The following ZNF469 variants were observed in gnomAD, a reference collection of about 807,000 sequenced individuals.
ZNF469 encodes the protein zinc finger protein 469.
In ZNF469, 1 loss-of-function variant was observed where a neutral mutation model predicts 1.0. The ratio of observed to expected loss-of-function variants is 1.00; its 90% CI spans 0.35 to 4.73. ZNF469 has a LOEUF of 4.73. Ranked by LOEUF, ZNF469 falls within the 30% of genes most tolerant of loss-of-function variation. The pLI, the probability that ZNF469 is intolerant of heterozygous loss-of-function variation, is 0.16. For synonymous variants in ZNF469, 2,703 were observed against 2,363.4 expected (o/e 1.14, Z -4.17); for missense variants, 6,100 against 5,356.3 (o/e 1.14, Z -4.33).
At chr16:88,248,321 C>A in the ZNF469 span, among the ~76,000 whole-genome samples, 1 of 152,194 alleles carries the variant, frequency 6.6e-6, no homozygotes, top group Non-Finnish European at 1.5e-5. Context: ...AAAAGGCGGT[C>A]AAATGGATCC....
chr16:88,341,842 G>A, the ZNF469 span, among the ~76,000 whole-genome samples: 1 of 152,158 alleles, frequency 6.6e-6, no homozygotes, highest in East Asian at 1.9e-4. Flanking sequence ...TGAAGGACTT[G>A]GGGACCAAGG....
the ZNF469 span, chr16:88,276,396 C>G: frequency 1.3e-5 from 2 of 152,328 alleles, no homozygotes; most frequent in East Asian, 1.9e-4. Flanking sequence ...ACTGCCCACC[C>G]TGGGGGGCTG....
At chr16:88,366,352 AT>A in the ZNF469 span, among the ~76,000 whole-genome samples, 57 of 151,776 alleles carry the variant, frequency 3.8e-4, no homozygotes, top group African/African-American at 1.3e-3. Context: ...CACCATCATC[AT>A]CACCACCATC....
the ZNF469 span, among the ~76,000 whole-genome samples, chr16:88,262,685 G>A: frequency 6.6e-6 from 1 of 152,116 alleles, no homozygotes; most frequent in South Asian, 2.1e-4. This position sits in a 1 kb window ranked among gnomAD's most constrained non-coding sequence, Gnocchi z 4.3. Flanking sequence ...CCAAGCACAG[G>A]CCGACAATTT....
At chr16:88,361,381 T>C in the ZNF469 span, among the ~76,000 whole-genome samples, 1 of 152,270 alleles carries the variant, frequency 6.6e-6, no homozygotes, top group African/African-American at 2.4e-5. Context: ...TGTATGATTC[T>C]ATTTTTATAT....
chr16:88,230,264 G>A, the ZNF469 span, among the ~76,000 whole-genome samples: 1 of 152,266 alleles, frequency 6.6e-6, no homozygotes, highest in Non-Finnish European at 1.5e-5. Flanking sequence ...CCTGGAAACA[G>A]CCAGAAAGGG....
chr16:88,184,335 C>A, the ZNF469 span, among the ~76,000 whole-genome samples: 3 of 152,132 alleles, frequency 2.0e-5, no homozygotes, highest in African/African-American at 7.2e-5. Flanking sequence ...CAGTGCAGCC[C>A]CTGCTAACCT....
chr16:88,144,945 G>A, the ZNF469 span, among the ~76,000 whole-genome samples: 1 of 151,570 alleles, frequency 6.6e-6, no homozygotes, highest in South Asian at 2.1e-4. Context: ...CGCCTTCCGG[G>A]CCCATGCAAT....
At chr16:88,269,850 G>A in the ZNF469 span, among the ~76,000 whole-genome samples, 2 of 152,058 alleles carry the variant, frequency 1.3e-5, no homozygotes, top group Non-Finnish European at 2.9e-5. Context: ...CCTTTTCTGA[G>A]TGTGTCTGAC....
At chr16:88,317,076 G>A in the ZNF469 span, among the ~76,000 whole-genome samples, 12 of 152,286 alleles carry the variant, frequency 7.9e-5, no homozygotes, top group South Asian at 4.1e-4. Context: ...GAGAGGGGCC[G>A]GCCGGCCAGA....
At chr16:88,214,641 T>C in the ZNF469 span, among the ~76,000 whole-genome samples, 3 of 152,206 alleles carry the variant, frequency 2.0e-5, no homozygotes, top group East Asian at 1.9e-4. Flanking sequence ...TCTCCTAATG[T>C]TATCCCTCCT....
chr16:88,437,644 G>C lies in ZNF469; in HGVS notation c.10174G>C (p.Glu3392Gln), dbSNP rs1567516677. ...CCTGGGCGGGGCGCACGGGCTGCTG[G>C]AGCGGCCGGAGCTGCAGCACACGCC... is the stretch of plus-strand genomic sequence containing the variant. ...AHLGGAHGLL[E>Q]RPELQHTPLY... Residue 3392 changes from glutamate to glutamine, a missense_variant, in exon 3 of 3, where the codon GAG becomes CAG. Physicochemically the swap from Glu to Gln is conservative, Grantham distance 29 (BLOSUM62 2). Transcript: ENST00000565624. 4.5e-6 allele frequency: 7 copies of C among 1,543,144 alleles called. No individual in the cohort carries two copies. The highest frequency in any genetic ancestry group is 5.3e-6 in the Non-Finnish European group (6 of 1,141,818).
At chr16:88,115,136 C>A in the ZNF469 span, among the ~76,000 whole-genome samples, 1 of 152,298 alleles carries the variant, frequency 6.6e-6, no homozygotes. Flanking sequence ...GTGCCGGGCT[C>A]TGCGCATTCA....
chr16:88,221,107 A>C, the ZNF469 span, among the ~76,000 whole-genome samples: 1 of 152,052 alleles, frequency 6.6e-6, no homozygotes. Flanking sequence ...TGTCACTGTG[A>C]GGTACTGGGA....
At chr16:88,288,268 C>G in the ZNF469 span, among the ~76,000 whole-genome samples, 8 of 151,990 alleles carry the variant, frequency 5.3e-5, no homozygotes, top group African/African-American at 1.9e-4. Flanking sequence ...GGAGCATGCC[C>G]CCAGTAGCTT....
the ZNF469 span, among the ~76,000 whole-genome samples, chr16:88,133,403 C>G: frequency 6.6e-6 from 1 of 152,224 alleles, no homozygotes; most frequent in African/African-American, 2.4e-5. Context: ...TGGGGCCTGT[C>G]AGGGAAGGGC....
chr16:88,192,774 G>A, the ZNF469 span, among the ~76,000 whole-genome samples: 1 of 124,806 alleles, frequency 8.0e-6, no homozygotes. Context: ...TGATGGTGAT[G>A]ATGGTGGTGA....
Position 88,436,771 on chromosome 16 carries a change from G to A in ZNF469, c.9301G>A (p.Ala3101Thr). Residue 3101 changes from alanine to threonine, a missense_variant, in exon 3 of 3, where the codon GCC (alanine) becomes ACC (threonine). Physicochemically the swap from Ala to Thr is moderately conservative, Grantham distance 58. Transcript: ENST00000565624. ...RTEEAAGAGR[A>T]QGRGRPAKGR... is the part of the protein sequence containing the mutation. ...AGAGGAGGCTGCAGGGGCAGGGAGG[G>A]CCCAAGGCAGAGGCCGGCCGGCCAA... is the stretch of plus-strand genomic sequence containing the variant. 1 of 1,546,536 alleles carries A rather than the reference G, an allele frequency of 6.5e-7. No individual in the cohort carries two copies. Among genetic ancestry groups the A allele is most frequent in the Non-Finnish European group, 8.7e-7 (1 of 1,146,240 alleles).
the ZNF469 span, among the ~76,000 whole-genome samples, chr16:88,376,519 G>A: frequency 2.1e-4 from 32 of 152,324 alleles, no homozygotes; most frequent in South Asian, 6.2e-4. Flanking sequence ...CTCTGCCGCC[G>A]CCCGTGAACG....
Sources: allele counts gnomAD v4.1 joint callset (sites outside exome capture counted in the v4.1 genomes callset), GRCh38; gene constraint gnomAD v4.1.1; non-coding constraint Gnocchi (gnomAD v3.1); transcripts MANE v1.5; gene names NCBI Gene and HGNC (gene_info 2026-07-23, HGNC 2026-07-21).